Variants in IL1RAPL2 observed in about 807,000 individuals in gnomAD.
IL1RAPL2 encodes the protein interleukin 1 receptor accessory protein like 2.
IL1RAPL2 carries 3 observed loss-of-function variants against 44.1 expected under a neutral mutation model. The observed-to-expected ratio is 0.07, with a 90% CI of 0.03 to 0.18. IL1RAPL2 has a LOEUF of 0.18. IL1RAPL2 is among the 10% of genes least tolerant of loss of function. IL1RAPL2 has a pLI of 1.00. For missense variants in IL1RAPL2, 391 were observed against 496.4 expected, an observed-to-expected ratio of 0.79 and a Z score of 2.02; for synonymous variants, 181 against 178.8, an observed-to-expected ratio of 1.01 and a Z score of -0.10.
At chrX:104,908,310 G>T (rs1403977356) in intron 2 of IL1RAPL2, among the ~76,000 whole-genome samples, 1 of 111,337 alleles carries the variant, frequency 9.0e-6, no homozygotes, top group Non-Finnish European at 1.9e-5. Context: ...TACATTTAAA[G>T]TTAATATTGT....
chrX:105,714,001 T>C (rs946653281), intron 6 of IL1RAPL2, among the ~76,000 whole-genome samples: 2 of 111,729 alleles, frequency 1.8e-5, no homozygotes, highest in Admixed American at 9.5e-5. Flanking sequence ...AATACCTTGC[T>C]GCGTTGATAT....
At chrX:104,663,589 T>C (rs1930439224) in intron 2 of IL1RAPL2, among the ~76,000 whole-genome samples, 1 of 109,600 alleles carries the variant, frequency 9.1e-6, no homozygotes. Flanking sequence ...CCCTATGATT[T>C]GTTCTTTAAT....
At chrX:104,728,915 G>A (rs1453122139) in intron 2 of IL1RAPL2, among the ~76,000 whole-genome samples, 1 of 111,854 alleles carries the variant, frequency 8.9e-6, no homozygotes, top group East Asian at 2.8e-4. Flanking sequence ...CTTGAAAACT[G>A]TAATAGGTAA....
intron 6 of IL1RAPL2, among the ~76,000 whole-genome samples, chrX:105,544,789 T>C (rs966658616): frequency 9.0e-6 from 1 of 111,651 alleles, no homozygotes; most frequent in African/African-American, 3.3e-5. Flanking sequence ...TTTTTGATTG[T>C]TGTTTCTGTT....
chrX:104,893,523 T>C (rs1239882019), intron 2 of IL1RAPL2, among the ~76,000 whole-genome samples: 1 of 111,854 alleles, frequency 8.9e-6, no homozygotes, highest in East Asian at 2.8e-4. Context: ...GTTGAATTGA[T>C]CCCTTTACCA....
intron 6 of IL1RAPL2, among the ~76,000 whole-genome samples, chrX:105,558,316 C>G (rs1280861639): frequency 9.0e-6 from 1 of 111,472 alleles, no homozygotes; most frequent in East Asian, 2.8e-4. Flanking sequence ...ATTCAAAGTC[C>G]TTAGCATGAG....
chrX:105,161,663 G>A (rs895040611), intron 2 of IL1RAPL2, among the ~76,000 whole-genome samples: 4 of 111,798 alleles, frequency 3.6e-5, no homozygotes, highest in African/African-American at 6.5e-5. Context: ...ACACTGGAAC[G>A]TGGTAATTTT....
At chrX:105,331,266 C>A (rs756298103) in intron 5 of IL1RAPL2, among the ~76,000 whole-genome samples, 3 of 111,230 alleles carry the variant, frequency 2.7e-5, no homozygotes, top group South Asian at 7.6e-4. Context: ...CAGAAAAAAA[C>A]CCCACTTCAC....
intron 2 of IL1RAPL2, among the ~76,000 whole-genome samples, chrX:105,156,887 G>C (rs2033273165): frequency 9.0e-6 from 1 of 110,759 alleles, no homozygotes; most frequent in South Asian, 3.8e-4. Flanking sequence ...TAATGTATTT[G>C]ACAGTAATTC....
chrX:104,647,996 GC>G, intron 1 of IL1RAPL2: 1 of 803,038 alleles, frequency 1.2e-6, no homozygotes. Flanking sequence ...CACTTTGGCA[GC>G]CATGTTTTCT....
At chrX:105,092,887 T>C (rs1418397242) in intron 2 of IL1RAPL2, among the ~76,000 whole-genome samples, 1 of 110,660 alleles carries the variant, frequency 9.0e-6, no homozygotes, top group Non-Finnish European at 1.9e-5. Context: ...CAATGCAGTT[T>C]TAATGTGCTA....
intron 2 of IL1RAPL2, among the ~76,000 whole-genome samples, chrX:105,022,055 T>C (rs1214924687): frequency 9.0e-6 from 1 of 110,986 alleles, no homozygotes; most frequent in Non-Finnish European, 1.9e-5. Context: ...TTATCCTTCA[T>C]AAGATTTATG....
intron 6 of IL1RAPL2, among the ~76,000 whole-genome samples, chrX:105,706,342 G>A (rs1468006407): frequency 8.9e-6 from 1 of 112,067 alleles, no homozygotes; most frequent in African/African-American, 3.2e-5. Flanking sequence ...ACATTACATG[G>A]TAAAGAATGG....
intron 3 of IL1RAPL2, among the ~76,000 whole-genome samples, chrX:105,225,281 C>G (rs2034002816): frequency 1.8e-5 from 2 of 111,965 alleles, no homozygotes; most frequent in Non-Finnish European, 3.8e-5. Context: ...GCTTTGAATT[C>G]AAGGTGAAGA....
At chrX:104,573,380 A>ACTTT (rs1437174567) in intron 1 of IL1RAPL2, among the ~76,000 whole-genome samples, 25 of 112,476 alleles carry the variant, frequency 2.2e-4, no homozygotes, top group Non-Finnish European at 7.5e-5. Flanking sequence ...GTCAGTGAAT[A>ACTTT]CCATATTGGA....
intron 6 of IL1RAPL2, among the ~76,000 whole-genome samples, chrX:105,705,569 TGTCACTCCTG>T (rs1318882474): frequency 9.0e-6 from 1 of 111,371 alleles, no homozygotes; most frequent in Non-Finnish European, 1.9e-5. Flanking sequence ...TCCCCAACTA[TGTCACTCCTG>T]GTCTATTTAT....
intron 4 of IL1RAPL2, among the ~76,000 whole-genome samples, chrX:105,247,136 C>G (rs1054288540): frequency 9.0e-6 from 1 of 111,293 alleles, no homozygotes; most frequent in African/African-American, 3.3e-5. Context: ...AGAGTTGTAT[C>G]TCCTCTATCT....
chrX:105,481,061 G>A lies in IL1RAPL2; in HGVS notation c.698-3252G>A, dbSNP rs73245779. Among the ~76,000 whole-genome samples the A allele has an allele frequency of 6.4e-3, 713 of 111,992 alleles. 4 individuals carry two copies. The highest frequency in any genetic ancestry group is 0.01 in the Non-Finnish European group (547 of 53,129). ...GTGTATATGTGTGGGGTGTCCTACA[G>A]GGATCATGTTTCAACTGGCTGTTTG... On this transcript the variant is annotated intron_variant, in intron 5 of 10. Coordinates refer to ENST00000372582, the MANE Select transcript of IL1RAPL2 (RefSeq NM_017416.2).
chrX:104,626,281 G>T (rs2148009879), intron 1 of IL1RAPL2, among the ~76,000 whole-genome samples: 1 of 98,639 alleles, frequency 1.0e-5, no homozygotes, highest in East Asian at 3.4e-4. Flanking sequence ...GAGATATCTG[G>T]GTTGTGACTG....
Sources: allele counts gnomAD v4.1 joint callset (sites outside exome capture counted in the v4.1 genomes callset), GRCh38; gene constraint gnomAD v4.1.1; transcripts MANE v1.5; gene names NCBI Gene and HGNC (gene_info 2026-07-23, HGNC 2026-07-21).